The following NAALADL2 variants were observed in gnomAD, a reference collection of about 807,000 sequenced individuals.
The protein encoded by NAALADL2 is inactive N-acetylated-alpha-linked acidic dipeptidase-like protein 2.
A neutral mutation model predicts 87.2 loss-of-function variants in NAALADL2; 76 were observed. The ratio of observed to expected loss-of-function variants is 0.87; its 90% CI spans 0.72 to 1.05. NAALADL2 has a LOEUF of 1.05. Ranked by LOEUF, NAALADL2 falls within the 50% of genes least tolerant of loss-of-function variation. The pLI is 0.00. For missense variants in NAALADL2, 1,089 were observed against 945.8 expected (o/e 1.15, Z -1.99); for synonymous variants, 354 against 331.0 (o/e 1.07, Z -0.75).
chr3:174,578,029 A>G (rs1001826508), intron 2 of NAALADL2, among the ~76,000 whole-genome samples: 6 of 152,050 alleles, frequency 3.9e-5, no homozygotes, highest in Non-Finnish European at 7.4e-5. Context: ...TAGGAATGAC[A>G]GAAGAAATGT....
intron 3 of NAALADL2, among the ~76,000 whole-genome samples, chr3:174,849,667 G>A (rs1024882796): frequency 1.7e-4 from 26 of 150,416 alleles, no homozygotes; most frequent in African/African-American, 5.4e-4. Context: ...TCTGGGAGGC[G>A]GAGGTTGCAA....
chr3:174,498,502 A>G (rs1364309605), intron 1 of NAALADL2, among the ~76,000 whole-genome samples: 1 of 151,706 alleles, frequency 6.6e-6, no homozygotes, highest in Non-Finnish European at 1.5e-5. Flanking sequence ...GCTGCTACGA[A>G]CATTCATGTA....
intron 4 of NAALADL2, among the ~76,000 whole-genome samples, chr3:175,318,540 G>A (rs1481179580): frequency 6.6e-6 from 1 of 152,026 alleles, no homozygotes; most frequent in Non-Finnish European, 1.5e-5. Flanking sequence ...ACAGAATACT[G>A]AAAGAAGATA....
At chr3:175,326,380 A>T (rs1344116699) in intron 5 of NAALADL2, among the ~76,000 whole-genome samples, 2 of 152,132 alleles carry the variant, frequency 1.3e-5, no homozygotes, top group Non-Finnish European at 2.9e-5. Context: ...TTTTTTAAAT[A>T]CCTCACCAGA....
At chr3:175,128,689 A>G (rs889339882) in intron 2 of NAALADL2, among the ~76,000 whole-genome samples, 2 of 152,178 alleles carry the variant, frequency 1.3e-5, no homozygotes, top group African/African-American at 4.8e-5. Flanking sequence ...AGTGTTATAA[A>G]GCTCCAGTGC....
intron 3 of NAALADL2, among the ~76,000 whole-genome samples, chr3:174,847,406 T>G (rs1297684027): frequency 6.6e-6 from 1 of 152,164 alleles, no homozygotes; most frequent in Non-Finnish European, 1.5e-5. Flanking sequence ...ACTCATAATA[T>G]CATGTTGCAA....
intron 5 of NAALADL2, among the ~76,000 whole-genome samples, chr3:175,354,696 G>A (rs1764148745): frequency 6.6e-6 from 1 of 151,912 alleles, no homozygotes; most frequent in South Asian, 2.1e-4. Flanking sequence ...AGGCTAGAGT[G>A]CAGTGCCGAT....
intron 5 of NAALADL2, among the ~76,000 whole-genome samples, chr3:175,434,512 A>G (rs1370931093): frequency 6.6e-6 from 1 of 151,974 alleles, no homozygotes; most frequent in Non-Finnish European, 1.5e-5. Flanking sequence ...TTCCATTTTT[A>G]TTATCTAAAA....
chr3:175,485,888 A>G (rs1727192029), intron 9 of NAALADL2, among the ~76,000 whole-genome samples: 1 of 152,196 alleles, frequency 6.6e-6, no homozygotes, highest in African/African-American at 2.4e-5. Flanking sequence ...AAGAGACAGG[A>G]AAGAACTTGC....
chr3:175,337,587 C>T (rs1762119443), intron 5 of NAALADL2, among the ~76,000 whole-genome samples: 1 of 151,982 alleles, frequency 6.6e-6, no homozygotes, highest in Non-Finnish European at 1.5e-5. Context: ...AGAAAGAAAC[C>T]ACCCCTGCCA....
At chr3:175,206,262 A>ATATATTT (rs1157257533) in intron 2 of NAALADL2, among the ~76,000 whole-genome samples, 3 of 103,146 alleles carry the variant, frequency 2.9e-5, no homozygotes, top group African/African-American at 1.4e-4. Context: ...ATATATATAT[A>ATATATTT]TTTTTTTTTT....
intron 11 of NAALADL2, among the ~76,000 whole-genome samples, chr3:175,693,489 C>G (rs150473448): frequency 3.9e-5 from 6 of 152,270 alleles, no homozygotes; most frequent in Non-Finnish European, 8.8e-5. Flanking sequence ...GGGCAGACAT[C>G]TCTTTAGGTA....
At chr3:175,133,734 G>A (rs915815672) in intron 2 of NAALADL2, among the ~76,000 whole-genome samples, 6 of 152,062 alleles carry the variant, frequency 3.9e-5, no homozygotes, top group Admixed American at 2.0e-4. Flanking sequence ...GAGGGAGACC[G>A]TGGGGAGAGG....
At chr3:175,172,931 A>G (rs1735069711) in intron 2 of NAALADL2, among the ~76,000 whole-genome samples, 1 of 152,130 alleles carries the variant, frequency 6.6e-6, no homozygotes, top group Admixed American at 6.6e-5. Context: ...GTTCAAGCAA[A>G]GGAATAAAAG....
intron 9 of NAALADL2, among the ~76,000 whole-genome samples, chr3:175,479,798 A>G (rs1443001434): frequency 5.9e-5 from 9 of 151,804 alleles, no homozygotes; most frequent in Admixed American, 5.9e-4. Context: ...TTGCAAAATT[A>G]TAATTTTAAG....
At chr3:175,677,259 A>G (rs1734911950) in intron 11 of NAALADL2, among the ~76,000 whole-genome samples, 1 of 152,088 alleles carries the variant, frequency 6.6e-6, no homozygotes, top group African/African-American at 2.4e-5. Flanking sequence ...GCTACTCCAG[A>G]AGCTGAAGCA....
At chr3:175,231,951 G>T (rs1436329775) in intron 2 of NAALADL2, among the ~76,000 whole-genome samples, 1 of 152,014 alleles carries the variant, frequency 6.6e-6, no homozygotes, top group East Asian at 1.9e-4. Flanking sequence ...GGTAGGAAAA[G>T]GTAGAGAACA....
intron 4 of NAALADL2, among the ~76,000 whole-genome samples, chr3:175,261,736 T>C (rs1560252102): frequency 6.6e-6 from 1 of 152,086 alleles, no homozygotes. Flanking sequence ...TGTAGTTTCC[T>C]ACAAATGAAA....
rs567297598 is a variant in NAALADL2, at chr3:175,383,987, G to A, written c.1090+59662G>A. Among the ~76,000 whole-genome samples the A allele has an allele frequency of 3.2e-4, 48 of 152,032 alleles. 1 individual carries two copies. The highest frequency in any genetic ancestry group is 7.7e-4 in the African/African-American group (32 of 41,518). On this transcript the variant is annotated intron_variant, in intron 5 of 13. Transcript: ENST00000454872. Reference sequence around the variant, plus strand: ...GTGGTTCATATAATTCTTGTTTCATGCAACCCTGTTTTCATTAGGATGCTT... The same window carrying A: ...GTGGTTCATATAATTCTTGTTTCATACAACCCTGTTTTCATTAGGATGCTT...
Sources: allele counts gnomAD v4.1 joint callset (sites outside exome capture counted in the v4.1 genomes callset), GRCh38; gene constraint gnomAD v4.1.1; transcripts MANE v1.5; gene names NCBI Gene and HGNC (gene_info 2026-07-23, HGNC 2026-07-21).